Variants in HCN4 observed in about 807,000 individuals in gnomAD.
HCN4 encodes the protein hyperpolarization activated cyclic nucleotide gated potassium channel 4.
A neutral mutation model predicts 76.9 loss-of-function variants in HCN4; 29 were observed. The observed-to-expected ratio is 0.38, with a 90% CI of 0.28 to 0.51. HCN4 has a LOEUF of 0.51. HCN4 is among the 20% of genes least tolerant of loss of function. HCN4 has a pLI of 0.90. For synonymous variants in HCN4, 772 were observed against 762.5 expected (o/e 1.01, Z -0.21); for missense variants, 1,416 against 1,715.2 (o/e 0.83, Z 3.08).
Position 73,325,816 on chromosome 15 carries a change from C to T in HCN4, c.1591-372G>A, listed in dbSNP as rs771352494. 5.3e-5 allele frequency among the ~76,000 whole-genome samples: 8 copies of T among 152,136 alleles called. No homozygotes were observed. The highest frequency in any genetic ancestry group is 8.8e-5 in the Non-Finnish European group (6 of 68,034). On this transcript the variant is annotated intron_variant, in intron 4 of 7. Coordinates refer to ENST00000261917, the MANE Select transcript of HCN4 (RefSeq NM_005477.3). The surrounding 1 kb of genome is among the most constrained non-coding windows in gnomAD (Gnocchi z 7.4). ...TACACTGGGGACAGGGAGGCCTCAC[C>T]GACTCTGCGGGGAAAGAAGCTGTTT...
At chr15:73,352,199 C>T (rs889601402) in intron 1 of HCN4, among the ~76,000 whole-genome samples, 1 of 152,292 alleles carries the variant, frequency 6.6e-6, no homozygotes, top group African/African-American at 2.4e-5. Context: ...TGGAAACATA[C>T]GAATGAGTGG....
At chr15:73,342,932 G>A (rs1595828847) in intron 2 of HCN4, among the ~76,000 whole-genome samples, 1 of 152,268 alleles carries the variant, frequency 6.6e-6, no homozygotes, top group East Asian at 1.9e-4. Context: ...ACTGTCTACT[G>A]TCCCCCAACT....
In HCN4 at chr15:73,322,875, G is replaced by A. The variant is rs982016034; in HGVS notation, c.3218C>T (p.Pro1073Leu). 2.0e-5 allele frequency: 30 copies of A among 1,475,900 alleles called. No homozygotes were observed. The highest frequency in any genetic ancestry group is 5.7e-5 in the South Asian group (4 of 70,596). 91.4% of individuals were successfully genotyped at this position (1,475,900 alleles called of 1,614,324 possible). Residue 1073 changes from proline (P) to leucine (L), a missense_variant, in exon 8 of 8, where the codon CCG (proline) becomes CTG (leucine). Coordinates refer to ENST00000261917, the MANE Select transcript of HCN4 (RefSeq NM_005477.3). ...CTGGGTGAGGCGGCCGGGGGTGAGC[G>A]GGGGTGTGCCCCGGCGCTGGGGGAC... ...PQVPQRRGTPPLTPGRLTQDL... is the reference protein window; with the variant it reads ...PQVPQRRGTPLLTPGRLTQDL...
chr15:73,332,780 G>A (rs1243326716), intron 2 of HCN4, among the ~76,000 whole-genome samples: 1 of 152,178 alleles, frequency 6.6e-6, no homozygotes, highest in African/African-American at 2.4e-5. Flanking sequence ...TGCAGAGGAA[G>A]CGGCACAGGC....
At chr15:73,347,290 G>C (rs1227228941) in intron 1 of HCN4, among the ~76,000 whole-genome samples, 1 of 152,164 alleles carries the variant, frequency 6.6e-6, no homozygotes, top group Non-Finnish European at 1.5e-5. Context: ...CACAAGATTA[G>C]GAGAAGTCTC....
rs1419820366 is a variant in HCN4 at position 73,322,851 on chromosome 15, T to C, written c.3242A>G (p.Gln1081Arg). ...TPPLTPGRLT[Q>R]DLKLISASQP... Reference sequence around the variant, plus strand: ...AGACGCGGAGATGAGCTTGAGGTCCTGGGTGAGGCGGCCGGGGGTGAGCGG... The same window carrying C: ...AGACGCGGAGATGAGCTTGAGGTCCCGGGTGAGGCGGCCGGGGGTGAGCGG... The change falls in exon 8 of 8, where the codon CAG becomes CGG. Residue 1081 changes from glutamine to arginine, a missense_variant. Transcript: ENST00000261917. 5 of 1,504,548 alleles carry C rather than the reference T, an allele frequency of 3.3e-6. No homozygotes were observed. The highest frequency in any genetic ancestry group is 2.2e-5 in the Admixed American group (1 of 44,476). The allele number at this position is 1,504,548 out of a possible 1,614,324, so 93.2% of individuals were successfully genotyped here. A position where few individuals can be genotyped will look rare whatever the true frequency, so the allele number is the denominator to read the frequency against.
Position 73,355,522 on chromosome 15 carries a change from C to T in HCN4, c.786-11714G>A, listed in dbSNP as rs114297989. Among the ~76,000 whole-genome samples the T allele has an allele frequency of 3.2e-3, 489 of 152,238 alleles. 2 individuals carry two copies. The highest frequency in any genetic ancestry group is 0.01 in the Middle Eastern group (3 of 294). ...AAGAGAATGTGGAAGACATCCTGAA[C>T]GCCAGCTTGAGAACTCAGGGCTCTT... is the stretch of plus-strand genomic sequence containing the variant. On this transcript the variant is annotated intron_variant, in intron 1 of 7. Coordinates refer to ENST00000261917, the MANE Select transcript of HCN4 (RefSeq NM_005477.3).
At chr15:73,342,484 A>C (rs1406123533) in intron 2 of HCN4, 1 of 152,216 alleles carries the variant, frequency 6.6e-6, no homozygotes. Context: ...GCCTTGAACC[A>C]ATGACTGACA....
rs368583153 is a variant in HCN4, at chr15:73,367,488, G to T, written c.783C>A (p.Phe261Leu). ...GGATCATCGCTGTGGCCCCTTACCT[G>T]AAGTCACTGTAGGGGTGGATAATCC... ...GFWIIHPYSD[F>L]RFYWDLTMLL... The change falls in exon 1 of 8, where the codon TTC becomes TTA. Residue 261 changes from phenylalanine to leucine, a missense_variant and splice_region_variant. Physicochemically the swap from Phe to Leu is conservative, Grantham distance 22. Around this residue, in one of 6 missense-constraint regions of HCN4, gnomAD observed 52 missense variants for 129.1 expected, o/e 0.40. Transcript: ENST00000261917. The surrounding 1 kb of genome is among the most constrained non-coding windows in gnomAD (Gnocchi z 7.5). The T allele has an allele frequency of 1.2e-6, 2 of 1,613,300 alleles. No homozygotes were observed. Among genetic ancestry groups the T allele is most frequent in the African/African-American group, 2.7e-5 (2 of 74,910 alleles).
At position 73,323,695 on chromosome 15, in the gene HCN4, G is replaced by A. The variant is rs181894662; in HGVS notation, c.2398C>T (p.Arg800Cys). ...SVAIALTHHP[R>C]LPAAIFRPPP... Reference sequence around the variant, plus strand: ...GGGCGGAAGATGGCAGCAGGCAGGCGAGGGTGGTGGGTGAGGGCTATGGCC... The same window carrying A: ...GGGCGGAAGATGGCAGCAGGCAGGCAAGGGTGGTGGGTGAGGGCTATGGCC... Residue 800 changes from arginine (R) to cysteine (C), a missense_variant, in exon 8 of 8, where the codon CGC (arginine) becomes TGC (cysteine). Physicochemically the swap from Arg to Cys is radical, Grantham distance 180. This residue lies in a region of HCN4 where 633 missense variants were observed against 579.8 expected (regional missense o/e 1.09). Coordinates refer to ENST00000261917, the MANE Select transcript of HCN4 (RefSeq NM_005477.3). 34 of 1,595,262 alleles carry A rather than the reference G, an allele frequency of 2.1e-5. No individual in the cohort carries two copies. Among genetic ancestry groups the A allele is most frequent in the Middle Eastern group, 1.7e-4 (1 of 5,998 alleles).
chr15:73,353,004 AGATGGATGGATGGATGGATGGATG>A (rs756120632), intron 1 of HCN4, among the ~76,000 whole-genome samples: 1 of 150,810 alleles, frequency 6.6e-6, no homozygotes, highest in African/African-American at 2.4e-5. Flanking sequence ...ATGGATGGAC[AGATGGATGGATGGATGGATGGATG>A]GATGGATGGA....
At chr15:73,357,635 G>A (rs1395635623) in intron 1 of HCN4, among the ~76,000 whole-genome samples, 2 of 152,100 alleles carry the variant, frequency 1.3e-5, no homozygotes, top group African/African-American at 4.8e-5. Flanking sequence ...CACTTCCCGG[G>A]AAGGATGCCC....
chr15:73,367,478 C>T lies in HCN4; in HGVS notation c.785+8G>A, dbSNP rs1268736123. 6.2e-7 allele frequency: 1 copy of T among 1,612,836 alleles called. No homozygotes were observed. Among genetic ancestry groups the T allele is most frequent in the Non-Finnish European group, 8.5e-7 (1 of 1,179,938 alleles). ...GGCACCCACAGGATCATCGCTGTGG[C>T]CCCTTACCTGAAGTCACTGTAGGGG... On this transcript the variant is annotated splice_region_variant and intron_variant, in intron 1 of 7. Coordinates refer to ENST00000261917, the MANE Select transcript of HCN4 (RefSeq NM_005477.3). The surrounding 1 kb of genome is among the most constrained non-coding windows in gnomAD (Gnocchi z 7.5).
At chr15:73,326,227 C>T (rs138209025) in intron 4 of HCN4, among the ~76,000 whole-genome samples, 50 of 152,186 alleles carry the variant, frequency 3.3e-4, no homozygotes, top group African/African-American at 1.1e-3. Flanking sequence ...AACACAGACT[C>T]CTCCCGGATG....
At chr15:73,333,053 A>G (rs2042941859) in intron 2 of HCN4, among the ~76,000 whole-genome samples, 2 of 152,166 alleles carry the variant, frequency 1.3e-5, no homozygotes, top group Non-Finnish European at 2.9e-5. Context: ...GTTAATACGT[A>G]TTTGGGGTAA....
At chr15:73,357,391 C>T (rs2043086006) in intron 1 of HCN4, among the ~76,000 whole-genome samples, 1 of 152,114 alleles carries the variant, frequency 6.6e-6, no homozygotes, top group Admixed American at 6.5e-5. Context: ...TTTCCTTCCT[C>T]TGCCAATCCC....
rs1356046051 is a variant in HCN4 at position 73,322,553 on chromosome 15, C to G, written c.3540G>C (p.Leu1180=). The change falls in exon 8 of 8, where the codon CTG becomes CTC. Residue 1180 remains leucine (L), a synonymous_variant. Coordinates refer to ENST00000261917, the MANE Select transcript of HCN4 (RefSeq NM_005477.3). ...ARATSSGGPP[L]TAGPQREPGA... ...CAGGTTCCCTCTGGGGTCCAGCAGT[C>G]AGAGGGGGCCCCCCAGAAGAGGTGG... is the stretch of plus-strand genomic sequence containing the variant. The G allele has an allele frequency of 6.2e-7, 1 of 1,606,864 alleles. No homozygotes were observed. The highest frequency in any genetic ancestry group is 8.5e-7 in the Non-Finnish European group (1 of 1,176,986).
At chr15:73,326,769 T>TTTTATTTA (rs745348390) in intron 4 of HCN4, among the ~76,000 whole-genome samples, 126 of 151,162 alleles carry the variant, frequency 8.3e-4, no homozygotes, top group African/African-American at 2.8e-3. Flanking sequence ...CTTTTTTTCT[T>TTTTATTTA]TTTATTTATT....
intron 1 of HCN4, among the ~76,000 whole-genome samples, chr15:73,362,190 C>A (rs1179683935): frequency 5.3e-5 from 8 of 152,234 alleles, no homozygotes; most frequent in Non-Finnish European, 7.3e-5. Context: ...CATCCCCACA[C>A]TGGCAGGCAG....
Sources: allele counts gnomAD v4.1 joint callset (sites outside exome capture counted in the v4.1 genomes callset), GRCh38; gene constraint gnomAD v4.1.1; regional missense constraint gnomAD v4.1.1; non-coding constraint Gnocchi (gnomAD v3.1); transcripts MANE v1.5; gene names NCBI Gene and HGNC (gene_info 2026-07-23, HGNC 2026-07-21).